LRRC42: variants seen among roughly 807,000 people sequenced by gnomAD.
The protein encoded by LRRC42 is leucine rich repeat containing 42.
Under a neutral mutation model 44.3 loss-of-function variants are expected in LRRC42, and 43 were observed. That is an observed-to-expected ratio of 0.97 (90% CI 0.76 to 1.25). The LOEUF (loss-of-function observed/expected upper bound fraction) is 1.25, where lower values mean the gene tolerates loss of function less well. Ranked by LOEUF, LRRC42 falls within the 50% of genes most tolerant of loss-of-function variation. LRRC42 has a pLI of 0.00. For synonymous variants in LRRC42, 207 were observed against 195.2 expected, an observed-to-expected ratio of 1.06 and a Z score of -0.50; for missense variants, 540 against 509.1, an observed-to-expected ratio of 1.06 and a Z score of -0.58.
At chr1:53,954,128 G>C (rs1255729888) in intron 3 of LRRC42, among the ~76,000 whole-genome samples, 1 of 152,138 alleles carries the variant, frequency 6.6e-6, no homozygotes, top group East Asian at 1.9e-4. Context: ...GAAAACAGGA[G>C]GTAAGCTCGT....
At chr1:53,949,132 G>T (rs568486701) in intron 2 of LRRC42, among the ~76,000 whole-genome samples, 2 of 151,268 alleles carry the variant, frequency 1.3e-5, no homozygotes, top group South Asian at 2.1e-4. Context: ...CCTTTTTTTT[G>T]AAAATGATCC....
Position 53,964,115 on chromosome 1 carries a change from G to A in LRRC42, c.927+1706G>A, listed in dbSNP as rs148938644. On this transcript the variant is annotated intron_variant, in intron 7 of 8. Transcript: ENST00000371370. The stretch of plus-strand genomic sequence containing the variant: ...GCCTACTCAGTTCTTACTCCCTTGC[G>A]ATTTAGTTCTGGCCTCCCCTGCTCT... Among the ~76,000 whole-genome samples, 229 of 151,960 alleles carry A rather than the reference G, an allele frequency of 1.5e-3. 4 individuals carry two copies. Among genetic ancestry groups the A allele is most frequent in the Admixed American group, 0.014 (210 of 15,264 alleles).
chr1:53,960,478 A>T lies in LRRC42; in HGVS notation c.724+4A>T, dbSNP rs41312648. 1.9e-6 allele frequency: 3 copies of T among 1,567,872 alleles called. No homozygotes were observed. The highest frequency in any genetic ancestry group is 2.6e-6 in the Non-Finnish European group (3 of 1,142,134). ...CTAACATTATTAGACTTATCATGTA[A>T]GTTTTCTTCGAAATTATAGATTATT... On this transcript the variant is annotated splice_donor_region_variant and intron_variant, in intron 5 of 8. Transcript: ENST00000371370.
At chr1:53,961,527 C>CTCAA (rs1654995785) in intron 5 of LRRC42, among the ~76,000 whole-genome samples, 2 of 152,098 alleles carry the variant, frequency 1.3e-5, no homozygotes, top group Admixed American at 6.5e-5. Context: ...GCCTTGAGGA[C>CTCAA]TCAATGCTAA....
intron 7 of LRRC42, 115 bp downstream of exon 7, chr1:53,962,524 C>T (rs2100930092): frequency 4.3e-6 from 3 of 701,408 alleles, no homozygotes; most frequent in Non-Finnish European, 5.0e-6. Flanking sequence ...GTTAAATTGT[C>T]ATCTTCATGT....
rs1018069355 is a variant in LRRC42 at position 53,959,988 on chromosome 1, A to G, written c.606-368A>G. On this transcript the variant is annotated intron_variant, in intron 4 of 8. Transcript: ENST00000371370. The stretch of plus-strand genomic sequence containing the variant: ...TAGGCTGGAGTGCAGTGGTGCAATC[A>G]TAGCTCACTGCAGCTTTGAAATCCT... Among the ~76,000 whole-genome samples, 2 of 149,976 alleles carry G rather than the reference A, an allele frequency of 1.3e-5. 1 individual carries two copies. Among genetic ancestry groups the G allele is most frequent in the African/African-American group, 4.9e-5 (2 of 40,546 alleles).
At chr1:53,958,532 A>G (rs896721376) in intron 4 of LRRC42, among the ~76,000 whole-genome samples, 1 of 152,180 alleles carries the variant, frequency 6.6e-6, no homozygotes, top group African/African-American at 2.4e-5. Flanking sequence ...TTAATATGTA[A>G]TACTTGAAGC....
At chr1:53,952,522 T>G in intron 3 of LRRC42, 50 bp downstream of exon 3, 1 of 1,483,736 alleles carries the variant, frequency 6.7e-7, no homozygotes, top group Non-Finnish European at 9.1e-7. Flanking sequence ...GTGTTAATTC[T>G]GTCAAGCTCT....
At chr1:53,952,687 A>G (rs1654727380) in intron 3 of LRRC42, among the ~76,000 whole-genome samples, 1 of 152,224 alleles carries the variant, frequency 6.6e-6, no homozygotes, top group Non-Finnish European at 1.5e-5. Context: ...TTTTACAAGG[A>G]TTAGTTGTCA....
rs1338109461 is a variant in LRRC42 at position 53,961,857 on chromosome 1, C to CTT, written c.725-174_725-173dup. ...TCTTTAGGGATCATTGAGTGTGGCT[C>CTT]TTTTATATTACAAATAGTAAAGATC... is the stretch of plus-strand genomic sequence containing the variant. On this transcript the variant is annotated intron_variant, in intron 5 of 8. Transcript: ENST00000371370. 3 of 575,362 alleles carry CTT rather than the reference C, an allele frequency of 5.2e-6. No individual in the cohort carries two copies. In the African/African-American group the frequency reaches 5.7e-5, roughly 11 times the overall value. The allele number at this position is 575,362 out of a possible 1,614,324, so 35.6% of individuals were successfully genotyped here. A position where few individuals can be genotyped will look rare whatever the true frequency, so the allele number is the denominator to read the frequency against.
At chr1:53,947,586 T>C (rs1362198162) in intron 1 of LRRC42, among the ~76,000 whole-genome samples, 2 of 152,144 alleles carry the variant, frequency 1.3e-5, no homozygotes, top group African/African-American at 2.4e-5. Context: ...ACCAAAAGTG[T>C]CTGCAGCCTT....
At chr1:53,956,456 T>A (rs1368951970) in intron 3 of LRRC42, among the ~76,000 whole-genome samples, 1 of 152,244 alleles carries the variant, frequency 6.6e-6, no homozygotes, top group East Asian at 1.9e-4. Context: ...TTCTTAATCA[T>A]CCTGAAAAGA....
In LRRC42 at chr1:53,952,004, C is replaced by T. The variant is rs1352302056; in HGVS notation, c.5C>T (p.Ser2Phe). 5.0e-6 allele frequency: 8 copies of T among 1,612,970 alleles called. No individual in the cohort carries two copies. Among genetic ancestry groups the T allele is most frequent in the Non-Finnish European group, 5.9e-6 (7 of 1,179,652 alleles). The change falls in exon 3 of 9, where the codon TCT becomes TTT. Residue 2 changes from serine (S) to phenylalanine (F), a missense_variant. Coordinates refer to ENST00000371370, the MANE Select transcript of LRRC42 (RefSeq NM_001256409.2). ...TTTACAGTTGCAACCAAGGCAATGT[C>T]TTACTACCTCAGCTCAGAAAACCAC... is the stretch of plus-strand genomic sequence containing the variant. MSYYLSSENHLD... is the reference protein window; with the variant it reads MFYYLSSENHLD...
At chr1:53,962,531 A>C in intron 7 of LRRC42, 122 bp downstream of exon 7, 1 of 688,554 alleles carries the variant, frequency 1.5e-6, no homozygotes, top group South Asian at 1.8e-5. Flanking sequence ...TGTCATCTTC[A>C]TGTCAAATTG....
At chr1:53,948,954 C>T (rs1654598750) in intron 2 of LRRC42, among the ~76,000 whole-genome samples, 1 of 152,148 alleles carries the variant, frequency 6.6e-6, no homozygotes. Context: ...TAAAGGACGC[C>T]AGGATTCCCA....
At position 53,952,274 on chromosome 1, in the gene LRRC42, T is replaced by C; in HGVS notation, c.275T>C (p.Leu92Pro). Reference protein sequence around the residue: ...LRYSAKSLFSLVLGFISDNVD... With the variant: ...LRYSAKSLFSPVLGFISDNVD... ...TACTCCGCCAAATCCCTCTTCAGCC[T>C]TGTCCTGGGTTTCATCTCCGACAAT... Residue 92 changes from leucine to proline, a missense_variant, in exon 3 of 9, where the codon CTT becomes CCT. Physicochemically the swap from Leu to Pro is moderately conservative, Grantham distance 98. Transcript: ENST00000371370. 6.2e-7 allele frequency: 1 copy of C among 1,614,246 alleles called. No individual in the cohort carries two copies. Among genetic ancestry groups the C allele is most frequent in the Non-Finnish European group, 8.5e-7 (1 of 1,180,030 alleles).
chr1:53,946,950 G>A (rs369413343), intron 1 of LRRC42, among the ~76,000 whole-genome samples: 1 of 151,560 alleles, frequency 6.6e-6, no homozygotes, highest in Non-Finnish European at 1.5e-5. Flanking sequence ...AAAGTTGGGG[G>A]TGTGGAATGC....
At chr1:53,964,243 C>T (rs1655069766) in intron 7 of LRRC42, among the ~76,000 whole-genome samples, 1 of 152,142 alleles carries the variant, frequency 6.6e-6, no homozygotes, top group South Asian at 2.1e-4. Flanking sequence ...CTGGGCCTCT[C>T]TCCTGGCTCT....
intron 7 of LRRC42, among the ~76,000 whole-genome samples, chr1:53,963,882 T>C (rs1338502275): frequency 3.3e-5 from 5 of 152,060 alleles, no homozygotes; most frequent in Non-Finnish European, 7.4e-5. Context: ...TTTAAAAAAT[T>C]CTGTTCCCTA....
Sources: allele counts gnomAD v4.1 joint callset (sites outside exome capture counted in the v4.1 genomes callset), GRCh38; gene constraint gnomAD v4.1.1; transcripts MANE v1.5; gene names NCBI Gene and HGNC (gene_info 2026-07-23, HGNC 2026-07-21).